Variants in AATF observed in about 807,000 individuals in gnomAD.
AATF encodes the protein apoptosis antagonizing transcription factor, also known as protein AATF.
In AATF, 48 loss-of-function variants were observed where a neutral mutation model predicts 63.7. The ratio of observed to expected loss-of-function variants is 0.75; its 90% CI spans 0.60 to 0.96. The LOEUF is 0.96. AATF is among the 40% of genes least tolerant of loss of function. AATF has a pLI of 0.00. For synonymous variants in AATF, 258 were observed against 247.7 expected, an observed-to-expected ratio of 1.04 and a Z score of -0.39; for missense variants, 639 against 685.7, an observed-to-expected ratio of 0.93 and a Z score of 0.76.
intron 11 of AATF, among the ~76,000 whole-genome samples, chr17:37,051,693 GACAGACACACACACACAC>G (rs996354437): frequency 1.5e-4 from 21 of 140,942 alleles, no homozygotes; most frequent in Non-Finnish European, 2.8e-4. Context: ...CAGACAGACA[GACAGACACACACACACAC>G]ACACACACAC....
intron 11 of AATF, among the ~76,000 whole-genome samples, chr17:37,048,813 T>C (rs186723840): frequency 5.3e-5 from 8 of 152,326 alleles, no homozygotes; most frequent in African/African-American, 1.9e-4. Context: ...TTTTAGGTCA[T>C]AGAGACACTT....
intron 2 of AATF, among the ~76,000 whole-genome samples, chr17:36,952,587 A>G (rs2070863899): frequency 6.6e-6 from 1 of 152,076 alleles, no homozygotes; most frequent in Admixed American, 6.5e-5. Flanking sequence ...AAAATTTCTC[A>G]CTCTTCTGGG....
At chr17:37,045,651 AG>A (rs571250149) in intron 11 of AATF, 148 of 152,438 alleles carry the variant, frequency 9.7e-4, no homozygotes, top group African/African-American at 3.4e-3. Flanking sequence ...TCTCTTCCAC[AG>A]CTCGGTCCTA....
intron 11 of AATF, among the ~76,000 whole-genome samples, chr17:37,048,929 G>A (rs573063004): frequency 7.2e-5 from 11 of 152,294 alleles, no homozygotes; most frequent in South Asian, 6.2e-4. Context: ...TTAGTCCCTC[G>A]TGTTGGTTGG....
At chr17:36,985,060 C>G (rs956445999) in intron 4 of AATF, among the ~76,000 whole-genome samples, 1 of 152,012 alleles carries the variant, frequency 6.6e-6, no homozygotes, top group Non-Finnish European at 1.5e-5. Context: ...CACCACCGTG[C>G]GCGGCTAATT....
intron 2 of AATF, among the ~76,000 whole-genome samples, chr17:36,951,483 T>TA (rs1359633698): frequency 6.6e-6 from 1 of 152,186 alleles, no homozygotes; most frequent in African/African-American, 2.4e-5. Flanking sequence ...CAGATTTTTA[T>TA]AAAAAATTAT....
intron 8 of AATF, among the ~76,000 whole-genome samples, chr17:37,015,121 T>C (rs1014947796): frequency 2.6e-4 from 39 of 152,226 alleles, no homozygotes; most frequent in Non-Finnish European, 8.8e-5. Context: ...GATCCTTAAC[T>C]GTCTGTTCAT....
In AATF at chr17:37,026,013, CA is replaced by C. The variant is rs1232692424; in HGVS notation, c.1547+5000del. Among the ~76,000 whole-genome samples the C allele has an allele frequency of 1.5e-4, 23 of 152,280 alleles. 1 individual carries two copies. The highest frequency in any genetic ancestry group is 5.3e-4 in the African/African-American group (22 of 41,554). ...AAGATGAACAGCACCAGTAAAAAGACATATCTATACCCCCTGTGTCTTCAGT... is the reference window on the plus strand; with the variant it reads ...AAGATGAACAGCACCAGTAAAAAGACTATCTATACCCCCTGTGTCTTCAGT... On this transcript the variant is annotated intron_variant, in intron 10 of 11. Transcript: ENST00000619387.
At chr17:37,047,000 A>G (rs1022129826) in intron 11 of AATF, among the ~76,000 whole-genome samples, 6 of 152,128 alleles carry the variant, frequency 3.9e-5, no homozygotes, top group African/African-American at 1.4e-4. Context: ...GGCCAACTCT[A>G]TTGCGGGGAC....
intron 8 of AATF, among the ~76,000 whole-genome samples, chr17:37,014,636 CAG>C (rs1456017079): frequency 1.3e-5 from 2 of 152,188 alleles, no homozygotes; most frequent in African/African-American, 4.8e-5. Context: ...TGTGTCTTGA[CAG>C]AGGCCCTTTT....
intron 4 of AATF, among the ~76,000 whole-genome samples, chr17:36,962,317 G>C (rs2142213709): frequency 6.6e-6 from 1 of 152,300 alleles, no homozygotes; most frequent in South Asian, 2.1e-4. Flanking sequence ...ATATAATGTA[G>C]AGAGTAAAGC....
chr17:37,014,924 C>T (rs2071418082), intron 8 of AATF, among the ~76,000 whole-genome samples: 1 of 152,128 alleles, frequency 6.6e-6, no homozygotes, highest in Non-Finnish European at 1.5e-5. Context: ...TTTAATTTCT[C>T]ATTTTAGTCT....
intron 4 of AATF, among the ~76,000 whole-genome samples, chr17:36,973,365 G>A (rs1350866799): frequency 1.3e-5 from 2 of 152,162 alleles, no homozygotes; most frequent in African/African-American, 4.8e-5. Context: ...ACTGAGGTCT[G>A]CTGTGCCTCA....
chr17:36,962,458 C>CT (rs1273534289), intron 4 of AATF, among the ~76,000 whole-genome samples: 1 of 152,138 alleles, frequency 6.6e-6, no homozygotes, highest in Non-Finnish European at 1.5e-5. Context: ...CCTGTGTGAG[C>CT]TAAGGGCAGC....
intron 1 of AATF, among the ~76,000 whole-genome samples, chr17:36,949,853 A>C (rs1206712578): frequency 6.6e-6 from 1 of 152,226 alleles, no homozygotes; most frequent in South Asian, 2.1e-4. Context: ...GAAACTCGGG[A>C]CTGTTTAGCC....
chr17:37,006,566 T>C (rs551001386), intron 8 of AATF, among the ~76,000 whole-genome samples: 6 of 152,372 alleles, frequency 3.9e-5, no homozygotes, highest in Non-Finnish European at 5.9e-5. Flanking sequence ...TTTTAGCATT[T>C]GAATTGCTTT....
At position 37,019,012 on chromosome 17, in the gene AATF, G is replaced by A. The variant is rs140425958; in HGVS notation, c.1406G>A (p.Arg469Gln). Residue 469 changes from arginine to glutamine, a missense_variant, in exon 9 of 12, where the codon CGA becomes CAA. Transcript: ENST00000619387. ...CTTTCCTTTTTCCCCTAGCTCCTTC[G>A]AGAACTCATAGAACGGAAGACCAGC... Reference protein sequence around the residue: ...DDDDFYHQLLRELIERKTSSL... With the variant: ...DDDDFYHQLLQELIERKTSSL... 33 of 1,613,818 alleles carry A rather than the reference G, an allele frequency of 2.0e-5. No homozygotes were observed. Among genetic ancestry groups the A allele is most frequent in the African/African-American group, 1.9e-4 (14 of 74,892 alleles).
intron 8 of AATF, among the ~76,000 whole-genome samples, chr17:36,991,202 T>C (rs2071212036): frequency 6.6e-6 from 1 of 152,176 alleles, no homozygotes; most frequent in South Asian, 2.1e-4. Flanking sequence ...CTTGTCTCAT[T>C]ACTATTAGAA....
intron 10 of AATF, among the ~76,000 whole-genome samples, chr17:37,030,884 A>G (rs2071546772): frequency 6.6e-6 from 1 of 152,186 alleles, no homozygotes. Context: ...TAAAATGAAA[A>G]ATGCTTAAGA....
Sources: allele counts gnomAD v4.1 joint callset (sites outside exome capture counted in the v4.1 genomes callset), GRCh38; gene constraint gnomAD v4.1.1; transcripts MANE v1.5; gene names NCBI Gene and HGNC (gene_info 2026-07-23, HGNC 2026-07-21).